The following FAM135A variants were observed in gnomAD, a reference collection of about 807,000 sequenced individuals.
FAM135A encodes protein FAM135A.
FAM135A carries 79 observed loss-of-function variants against 146.8 expected under a neutral mutation model. That is an observed-to-expected ratio of 0.54 (90% CI 0.45 to 0.65). The LOEUF is 0.65. FAM135A is among the 30% of genes least tolerant of loss of function. The pLI is 0.00. For synonymous variants in FAM135A, 562 were observed against 603.6 expected (o/e 0.93, Z 1.01); for missense variants, 1,623 against 1,758.2 (o/e 0.92, Z 1.38).
Position 70,511,101 on chromosome 6 carries a change from G to A in FAM135A, c.1029+8310G>A, listed in dbSNP as rs144006402. ...TCTCCTTTGGAGAAATGTGTATTCA[G>A]GTCCTTTCCCCATATTTTAATTGGG... On this transcript the variant is annotated intron_variant, in intron 12 of 21. Transcript: ENST00000418814. 7.2e-5 allele frequency among the ~76,000 whole-genome samples: 11 copies of A among 151,914 alleles called. No individual in the cohort carries two copies. The East Asian group carries it at 2.1e-3, about 29-fold the overall frequency.
intron 20 of FAM135A, among the ~76,000 whole-genome samples, chr6:70,553,155 C>A (rs9446265): frequency 0.025 from 3,852 of 152,156 alleles, 168 homozygotes; most frequent in African/African-American, 0.088. Flanking sequence ...CCATGTTGCT[C>A]CCCCCAGCAG....
chr6:70,493,674 T>C (rs1302830741), intron 11 of FAM135A, among the ~76,000 whole-genome samples: 1 of 152,202 alleles, frequency 6.6e-6, no homozygotes, highest in African/African-American at 2.4e-5. Context: ...ATTCATAATA[T>C]TGTAAAAATG....
At chr6:70,515,142 G>A (rs182329316) in intron 12 of FAM135A, among the ~76,000 whole-genome samples, 83 of 152,250 alleles carry the variant, frequency 5.5e-4, no homozygotes, top group African/African-American at 2.0e-3. Flanking sequence ...GGAGCAACAG[G>A]AATTCCCATT....
At chr6:70,416,092 G>T (rs150462816) in intron 2 of FAM135A, among the ~76,000 whole-genome samples, 1 of 152,264 alleles carries the variant, frequency 6.6e-6, no homozygotes, top group East Asian at 1.9e-4. Flanking sequence ...CTGTGGACTA[G>T]CACTCTATTA....
chr6:70,486,348 G>T, intron 10 of FAM135A: 1 of 954,162 alleles, frequency 1.0e-6, no homozygotes, highest in South Asian at 1.7e-5. Flanking sequence ...TTAATAATGT[G>T]GTATGTTTCC....
chr6:70,428,420 G>T lies in FAM135A; in HGVS notation c.77+1G>T. 6.3e-7 allele frequency: 1 copy of T among 1,590,088 alleles called. No homozygotes were observed. Among genetic ancestry groups the T allele is most frequent in the Non-Finnish European group, 8.6e-7 (1 of 1,167,292 alleles). ...ACAATGTGGATTTGTTTCAGAGAGG[G>T]TATGTATTTTATTGTGAAAATGATA... On this transcript the variant is annotated splice_donor_variant, in intron 4 of 21. Transcript: ENST00000418814. LOFTEE classifies it high-confidence loss of function.
intron 12 of FAM135A, 67 bp downstream of exon 12, chr6:70,502,858 G>T: frequency 6.7e-7 from 1 of 1,486,780 alleles, no homozygotes; most frequent in Non-Finnish European, 9.1e-7. Flanking sequence ...AAATTTTTAT[G>T]AAAACAAACC....
chr6:70,531,415 T>G (rs1357668981), intron 16 of FAM135A, among the ~76,000 whole-genome samples: 1 of 152,226 alleles, frequency 6.6e-6, no homozygotes, highest in Non-Finnish European at 1.5e-5. Flanking sequence ...TGCTTTAGGA[T>G]CTTGATACCA....
Position 70,536,265 on chromosome 6 carries a change from T to G in FAM135A, c.3971T>G (p.Ile1324Ser). ...YSLTVSKISF[I>S]GHSLGNLIIR... ...ATTTTTTTTTCCTCTTAAAGCTTTATTGGACATTCGTTGGGCAATTTAATA... is the reference window on the plus strand; with the variant it reads ...ATTTTTTTTTCCTCTTAAAGCTTTAGTGGACATTCGTTGGGCAATTTAATA... Residue 1324 changes from isoleucine to serine, a missense_variant, in exon 19 of 22, where the codon ATT (isoleucine) becomes AGT (serine). By Grantham distance (142) the Ile-to-Ser change is moderately radical. Coordinates refer to ENST00000418814, the MANE Select transcript of FAM135A (RefSeq NM_001162529.3). 1.2e-6 allele frequency: 2 copies of G among 1,604,826 alleles called. No individual in the cohort carries two copies. The highest frequency in any genetic ancestry group is 1.7e-6 in the Non-Finnish European group (2 of 1,177,436).
At chr6:70,414,469 G>A (rs1260428305) in intron 1 of FAM135A, among the ~76,000 whole-genome samples, 2 of 151,692 alleles carry the variant, frequency 1.3e-5, no homozygotes, top group African/African-American at 4.8e-5. Flanking sequence ...TCTGCACCCA[G>A]TGAGTCTCTA....
intron 20 of FAM135A, among the ~76,000 whole-genome samples, chr6:70,545,006 G>A (rs958733700): frequency 8.7e-5 from 13 of 149,406 alleles, no homozygotes; most frequent in South Asian, 2.1e-4. Flanking sequence ...AGCCAAGATC[G>A]CACCATTGCA....
chr6:70,435,079 GTGTATATATATATATA>G, intron 4 of FAM135A, among the ~76,000 whole-genome samples: 1 of 89,854 alleles, frequency 1.1e-5, no homozygotes, highest in African/African-American at 3.5e-5. Context: ...GTGTGTGTGT[GTGTATATATATATATA>G]TATATATATA....
At chr6:70,458,409 A>T (rs930444078) in intron 5 of FAM135A, among the ~76,000 whole-genome samples, 3 of 152,294 alleles carry the variant, frequency 2.0e-5, no homozygotes, top group South Asian at 2.1e-4. Context: ...ATTTATGATA[A>T]CTTGTTTTTC....
chr6:70,552,575 T>A (rs1800039894), intron 20 of FAM135A, among the ~76,000 whole-genome samples: 1 of 151,724 alleles, frequency 6.6e-6, no homozygotes, highest in Non-Finnish European at 1.5e-5. Context: ...TTCAAGCGAT[T>A]TTCCTGCCTC....
chr6:70,474,102 C>A (rs1782141912), intron 5 of FAM135A, among the ~76,000 whole-genome samples: 1 of 152,116 alleles, frequency 6.6e-6, no homozygotes, highest in African/African-American at 2.4e-5. Flanking sequence ...GGCCACCACC[C>A]CATGTGGATT....
chr6:70,488,767 A>G (rs1562508339), intron 10 of FAM135A, among the ~76,000 whole-genome samples: 1 of 152,142 alleles, frequency 6.6e-6, no homozygotes, highest in Non-Finnish European at 1.5e-5. Context: ...TCTAGGCTAC[A>G]TAGTTTGCAA....
At chr6:70,452,641 C>T in intron 5 of FAM135A, 70 bp downstream of exon 5, 1 of 1,135,850 alleles carries the variant, frequency 8.8e-7, no homozygotes, top group Non-Finnish European at 1.2e-6. Flanking sequence ...AAAGTTTTTT[C>T]ATTACAGATA....
At chr6:70,544,477 G>A (rs1349843527) in intron 20 of FAM135A, among the ~76,000 whole-genome samples, 13 of 151,890 alleles carry the variant, frequency 8.6e-5, no homozygotes, top group Admixed American at 1.3e-4. Flanking sequence ...GCAGTGAACC[G>A]AGATCTCGCC....
At chr6:70,485,416 A>G (rs560723893) in intron 10 of FAM135A, among the ~76,000 whole-genome samples, 1 of 152,308 alleles carries the variant, frequency 6.6e-6, no homozygotes, top group South Asian at 2.1e-4. Flanking sequence ...ACTTAAAAAT[A>G]AAAGTATTTG....
Sources: gnomAD v4.1 joint callset for allele counts (sites outside exome capture counted in the v4.1 genomes callset) on GRCh38, gnomAD v4.1.1 for gene constraint, MANE v1.5 for transcripts, NCBI Gene and HGNC (gene_info 2026-07-23, HGNC 2026-07-21) for gene names.